The following TCERG1L variants were observed in gnomAD, a reference collection of about 807,000 sequenced individuals.
TCERG1L encodes transcription elongation regulator 1-like protein.
Under a neutral mutation model 56.3 loss-of-function variants are expected in TCERG1L, and 37 were observed. That is an observed-to-expected ratio of 0.66 (90% CI 0.51 to 0.87). The LOEUF is 0.87. TCERG1L is among the 40% of genes least tolerant of loss of function. TCERG1L has a pLI of 0.00. For missense variants in TCERG1L, 799 were observed against 774.2 expected (o/e 1.03, Z -0.38); for synonymous variants, 324 against 326.3 (o/e 0.99, Z 0.08).
intron 6 of TCERG1L, among the ~76,000 whole-genome samples, chr10:131,157,791 T>C (rs1297985273): frequency 3.9e-5 from 6 of 152,228 alleles, no homozygotes; most frequent in African/African-American, 1.4e-4. Context: ...CGCACTGTCT[T>C]CATTTCCTTT....
chr10:131,283,812 A>C (rs1846490357), intron 3 of TCERG1L, among the ~76,000 whole-genome samples: 1 of 152,206 alleles, frequency 6.6e-6, no homozygotes, highest in Non-Finnish European at 1.5e-5. Flanking sequence ...GCTTAGAATG[A>C]GCATACAGAG....
chr10:131,177,003 G>A (rs1474235653), intron 4 of TCERG1L, among the ~76,000 whole-genome samples: 1 of 122,524 alleles, frequency 8.2e-6, no homozygotes. Flanking sequence ...TGTACACACA[G>A]ACACATGCAC....
At chr10:131,293,300 G>T (rs997554300) in intron 3 of TCERG1L, among the ~76,000 whole-genome samples, 1 of 152,032 alleles carries the variant, frequency 6.6e-6, no homozygotes, top group Non-Finnish European at 1.5e-5. Flanking sequence ...CATCATCATT[G>T]TTCCAGGCTT....
At chr10:131,126,340 C>T (rs566724303) in intron 8 of TCERG1L, among the ~76,000 whole-genome samples, 2 of 152,320 alleles carry the variant, frequency 1.3e-5, no homozygotes, top group East Asian at 1.9e-4. Context: ...CCTCCTGGAC[C>T]GTCCACCATG....
At chr10:131,126,929 G>A (rs148397435) in intron 8 of TCERG1L, among the ~76,000 whole-genome samples, 1 of 152,304 alleles carries the variant, frequency 6.6e-6, no homozygotes, top group Non-Finnish European at 1.5e-5. Flanking sequence ...AGGGCACCTT[G>A]ACTTGAGAAT....
At chr10:131,286,817 C>T (rs1338211532) in intron 3 of TCERG1L, among the ~76,000 whole-genome samples, 1 of 152,198 alleles carries the variant, frequency 6.6e-6, no homozygotes, top group African/African-American at 2.4e-5. Flanking sequence ...CTGAGATCTT[C>T]GCAAATGAGC....
intron 6 of TCERG1L, among the ~76,000 whole-genome samples, chr10:131,155,581 T>A (rs189234608): frequency 1.3e-5 from 2 of 152,322 alleles, no homozygotes; most frequent in East Asian, 3.9e-4. Context: ...CACCCAGCAG[T>A]GTCCCAGCTT....
chr10:131,165,779 T>G (rs533392342), intron 5 of TCERG1L, among the ~76,000 whole-genome samples: 15 of 152,318 alleles, frequency 9.8e-5, no homozygotes, highest in African/African-American at 3.6e-4. Flanking sequence ...TACTGCTACT[T>G]ACCGAGGTCT....
At chr10:131,262,076 G>A (rs557129318) in intron 3 of TCERG1L, among the ~76,000 whole-genome samples, 1 of 152,270 alleles carries the variant, frequency 6.6e-6, no homozygotes, top group Non-Finnish European at 1.5e-5. Flanking sequence ...GGAAGTGGGG[G>A]GTGAGGGGAC....
At chr10:131,095,062 T>G (rs1845227432) in intron 11 of TCERG1L, among the ~76,000 whole-genome samples, 1 of 152,224 alleles carries the variant, frequency 6.6e-6, no homozygotes, top group Non-Finnish European at 1.5e-5. Context: ...GAAGGTCAGC[T>G]GATTCACAGG....
At position 131,179,201 on chromosome 10, in the gene TCERG1L, C is replaced by G. The variant is rs546744119; in HGVS notation, c.857-12316G>C. 5.9e-5 allele frequency among the ~76,000 whole-genome samples: 9 copies of G among 152,362 alleles called. No individual in the cohort carries two copies. The East Asian group carries it at 1.4e-3, about 23-fold the overall frequency. ...ACCCCAGCAAACTAACAGGAGCCGG[C>G]TGAGGCAGAGCAGCGGGGGCAGCCC... On this transcript the variant is annotated intron_variant, in intron 4 of 11. Transcript: ENST00000368642.
intron 4 of TCERG1L, among the ~76,000 whole-genome samples, chr10:131,214,667 G>A (rs2133491866): frequency 6.6e-6 from 1 of 152,302 alleles, no homozygotes; most frequent in South Asian, 2.1e-4. Flanking sequence ...GGGATTTCCA[G>A]CGTTTCCACT....
intron 7 of TCERG1L, among the ~76,000 whole-genome samples, chr10:131,138,797 A>G (rs1196719045): frequency 6.6e-6 from 1 of 152,238 alleles, no homozygotes; most frequent in African/African-American, 2.4e-5. Context: ...ACTGAACGCC[A>G]CTGAATTGTA....
At chr10:131,220,688 C>G (rs1207200190) in intron 4 of TCERG1L, among the ~76,000 whole-genome samples, 2 of 152,210 alleles carry the variant, frequency 1.3e-5, no homozygotes, top group African/African-American at 4.8e-5. Flanking sequence ...CTGAGGCCCC[C>G]ACGTGGGCAG....
chr10:131,260,497 G>T lies in TCERG1L; in HGVS notation c.671-53C>A. 7.4e-7 allele frequency: 1 copy of T among 1,342,682 alleles called. No individual in the cohort carries two copies. The allele number at this position is 1,342,682 out of a possible 1,614,324, so 83.2% of individuals were successfully genotyped here. ...CAAGGGGACGACCAGGGCCATGGGT[G>T]ACAGATGCCCATCTCGCTACCGCAA... On this transcript the variant is annotated intron_variant, in intron 3 of 11. Coordinates refer to ENST00000368642, the MANE Select transcript of TCERG1L (RefSeq NM_174937.4). This position sits in a 1 kb window ranked among gnomAD's most constrained non-coding sequence, Gnocchi z 5.8.
rs71009957 is a variant in TCERG1L at position 131,291,401 on chromosome 10, C to CTTTTTTTTTTTTTT, written c.670+16796_670+16809dup. Among the ~76,000 whole-genome samples the CTTTTTTTTTTTTTT allele has an allele frequency of 1.1e-3, 40 of 36,594 alleles. 11 individuals are homozygous for CTTTTTTTTTTTTTT. Among genetic ancestry groups the CTTTTTTTTTTTTTT allele is most frequent in the African/African-American group, 1.7e-3 (17 of 10,020 alleles). 24.0% of individuals were successfully genotyped at this position (36,594 alleles called of 152,430 possible). ...TGTGTATATTCCATAAACAGCATTT[C>CTTTTTTTTTTTTTT]TTTTTTTTTTTTTTTTTTTTTTTTT... On this transcript the variant is annotated intron_variant, in intron 3 of 11. Transcript: ENST00000368642.
chr10:131,311,411 G>A lies in TCERG1L; in HGVS notation c.225C>T (p.Pro75=). Residue 75 remains proline (P), a synonymous_variant, in exon 1 of 12, where the codon CCC becomes CCT. Transcript: ENST00000368642. This position sits in a 1 kb window ranked among gnomAD's most constrained non-coding sequence, Gnocchi z 4.0. ...SAPPPAAPLL[P]GLPGWPAPSE... ...TCGGGGCCGGCCAGCCGGGGAGACC[G>A]GGGAGCAGCGGGGCCGCGGGCGGCG... 3 of 1,180,304 alleles carry A rather than the reference G, an allele frequency of 2.5e-6. No individual in the cohort carries two copies. Among genetic ancestry groups the A allele is most frequent in the Admixed American group, 4.6e-5 (1 of 21,740 alleles). 73.1% of individuals were successfully genotyped at this position (1,180,304 alleles called of 1,614,324 possible).
At chr10:131,093,421 C>T in intron 11 of TCERG1L, 103 bp from the exon 12 acceptor site, 2 of 1,409,732 alleles carry the variant, frequency 1.4e-6, no homozygotes, top group Non-Finnish European at 1.9e-6. Context: ...GCCCTTCCAC[C>T]AGGCCTGGCC....
chr10:131,149,249 G>A (rs11017759), intron 6 of TCERG1L, among the ~76,000 whole-genome samples: 30,770 of 152,228 alleles, frequency 0.2, 3,492 homozygotes, highest in East Asian at 0.35. Flanking sequence ...TCATGGGCCC[G>A]TGGGGTGCTG....
Sources: allele counts gnomAD v4.1 joint callset (sites outside exome capture counted in the v4.1 genomes callset), GRCh38; gene constraint gnomAD v4.1.1; non-coding constraint Gnocchi (gnomAD v3.1); transcripts MANE v1.5; gene names NCBI Gene and HGNC (gene_info 2026-07-23, HGNC 2026-07-21).